Variants in SPINK5 observed in about 807,000 individuals in gnomAD.
The protein encoded by SPINK5 is serine peptidase inhibitor Kazal type 5, also known as serine protease inhibitor Kazal-type 5.
Under a neutral mutation model 151.8 loss-of-function variants are expected in SPINK5, and 125 were observed. The observed-to-expected ratio is 0.82, with a 90% CI of 0.71 to 0.96. The LOEUF (loss-of-function observed/expected upper bound fraction) is 0.96, where lower values mean the gene tolerates loss of function less well. SPINK5 is among the 40% of genes least tolerant of loss of function. The pLI is 0.00. For synonymous variants in SPINK5, 374 were observed against 395.3 expected (o/e 0.95, Z 0.64); for missense variants, 1,194 against 1,291.9 (o/e 0.92, Z 1.16).
At chr5:148,110,690 A>C (rs1230160099) in intron 18 of SPINK5, among the ~76,000 whole-genome samples, 1 of 152,056 alleles carries the variant, frequency 6.6e-6, no homozygotes, top group African/African-American at 2.4e-5. Flanking sequence ...TTATGAGAAC[A>C]CATGGACACA....
At chr5:148,110,877 C>T (rs977893519) in intron 18 of SPINK5, among the ~76,000 whole-genome samples, 6 of 151,704 alleles carry the variant, frequency 4.0e-5, no homozygotes, top group East Asian at 1.9e-4. Context: ...ACCTAGGTGA[C>T]GGGTTGATAG....
At chr5:148,119,271 C>G (rs940527655) in intron 24 of SPINK5, among the ~76,000 whole-genome samples, 1 of 152,108 alleles carries the variant, frequency 6.6e-6, no homozygotes, top group Non-Finnish European at 1.5e-5. Flanking sequence ...CTTTACAAGG[C>G]ATTTTTATAA....
At chr5:148,116,549 G>C in intron 22 of SPINK5, 83 bp downstream of exon 22, 1 of 1,342,606 alleles carries the variant, frequency 7.4e-7, no homozygotes, top group Non-Finnish European at 1.1e-6. Flanking sequence ...ATAGTCTATG[G>C]TAAAGGCAGT....
chr5:148,079,377 C>T (rs186868702), intron 4 of SPINK5, among the ~76,000 whole-genome samples: 11 of 151,064 alleles, frequency 7.3e-5, no homozygotes, highest in African/African-American at 2.4e-4. Context: ...CAGATTCATT[C>T]AGGAAGAAGA....
At chr5:148,084,299 A>G (rs1470867290) in intron 4 of SPINK5, among the ~76,000 whole-genome samples, 1 of 151,442 alleles carries the variant, frequency 6.6e-6, no homozygotes, top group Admixed American at 6.6e-5. Flanking sequence ...AGAAAAAGAG[A>G]TAAGACCCAG....
chr5:148,101,946 A>G, intron 15 of SPINK5, 38 bp downstream of exon 15: 1 of 1,612,630 alleles, frequency 6.2e-7, no homozygotes, highest in Middle Eastern at 1.7e-4. Context: ...CTGAGGATTG[A>G]GCAGTGGGAA....
intron 3 of SPINK5, 89 bp downstream of exon 3, chr5:148,070,539 AT>A: frequency 6.4e-7 from 1 of 1,552,610 alleles, no homozygotes; most frequent in Non-Finnish European, 8.8e-7. Context: ...TTTCAAGTGC[AT>A]TTTTCTAAAC....
intron 5 of SPINK5, among the ~76,000 whole-genome samples, chr5:148,087,073 TCA>T (rs993536417): frequency 2.0e-5 from 3 of 151,642 alleles, no homozygotes; most frequent in African/African-American, 7.3e-5. Flanking sequence ...ATACCCTTTT[TCA>T]CAGAGAATTA....
intron 8 of SPINK5, among the ~76,000 whole-genome samples, chr5:148,091,554 T>C (rs1484506384): frequency 1.3e-5 from 2 of 151,842 alleles, no homozygotes; most frequent in Non-Finnish European, 2.9e-5. Context: ...TTTGGTTTAG[T>C]GTAAACCCAT....
intron 18 of SPINK5, among the ~76,000 whole-genome samples, 164 bp downstream of exon 18, chr5:148,109,001 A>G (rs1193388969): frequency 6.6e-6 from 1 of 152,132 alleles, no homozygotes; most frequent in African/African-American, 2.4e-5. Context: ...TCCTTATTCA[A>G]TTTATTCACA....
chr5:148,066,782 G>A (rs1203865819), intron 2 of SPINK5, among the ~76,000 whole-genome samples: 1 of 152,098 alleles, frequency 6.6e-6, no homozygotes, highest in Non-Finnish European at 1.5e-5. Flanking sequence ...ATTTATGGCA[G>A]ATACTGTGAA....
intron 4 of SPINK5, among the ~76,000 whole-genome samples, chr5:148,077,791 G>A (rs1230262018): frequency 6.6e-6 from 1 of 150,376 alleles, no homozygotes; most frequent in Admixed American, 6.7e-5. Context: ...AATTACTAGA[G>A]TAGCTACTAA....
At chr5:148,070,711 T>C (rs1752715165) in intron 3 of SPINK5, among the ~76,000 whole-genome samples, 1 of 152,114 alleles carries the variant, frequency 6.6e-6, no homozygotes, top group Non-Finnish European at 1.5e-5. Context: ...TAGCACTCTA[T>C]AGTCTTTTGA....
intron 4 of SPINK5, among the ~76,000 whole-genome samples, chr5:148,085,107 C>T (rs72660252): frequency 0.061 from 9,218 of 151,726 alleles, 478 homozygotes; most frequent in East Asian, 0.25. Context: ...ACTTATATGG[C>T]CACTGCTTAT....
chr5:148,073,643 A>G (rs1752798656), intron 4 of SPINK5, among the ~76,000 whole-genome samples: 1 of 151,860 alleles, frequency 6.6e-6, no homozygotes, highest in Non-Finnish European at 1.5e-5. Context: ...CAAAAAAGCA[A>G]AATACACACA....
chr5:148,132,076 A>C (rs1754586524), intron 31 of SPINK5, among the ~76,000 whole-genome samples: 1 of 152,226 alleles, frequency 6.6e-6, no homozygotes, highest in African/African-American at 2.4e-5. Context: ...TCTTAAGTTA[A>C]ATACAAGGGA....
chr5:148,121,323 C>T (rs879553873), intron 26 of SPINK5, among the ~76,000 whole-genome samples: 6 of 101,640 alleles, frequency 5.9e-5, no homozygotes, highest in South Asian at 2.9e-4. Context: ...TTTAATGCAC[C>T]GACGGACTCC....
Position 148,124,769 on chromosome 5 carries a change from C to G in SPINK5, c.2671C>G (p.Arg891Gly). ...KCAMCQSIFD[R>G]EANERKKKDE... ...TTTTTTTTAATTATTCTGCAGTGAT[C>G]GAGAAGCTAATGAAAGAAAAAAGAA... The change falls in exon 28 of 33, where the codon CGA (arginine) becomes GGA (glycine). Residue 891 changes from arginine (R) to glycine (G), a missense_variant. Transcript: ENST00000256084. 1 of 1,595,834 alleles carries G rather than the reference C, an allele frequency of 6.3e-7. No homozygotes were observed. The highest frequency in any genetic ancestry group is 8.5e-7 in the Non-Finnish European group (1 of 1,171,474).
Position 148,063,997 on chromosome 5 carries a change from T to A in SPINK5, c.-48T>A. 7 of 1,605,832 alleles carry A rather than the reference T, an allele frequency of 4.4e-6. No individual in the cohort carries two copies. Among genetic ancestry groups the A allele is most frequent in the Non-Finnish European group, 6.0e-6 (7 of 1,172,534 alleles). On this transcript the variant is annotated 5_prime_UTR_variant, in exon 1 of 33. Transcript: ENST00000256084. ...CCGAGTTCAGTCATACTGCACCAGC[T>A]GAGCAATGCATGGAGTGGACCTGTA...
Sources: gnomAD v4.1 joint callset for allele counts (sites outside exome capture counted in the v4.1 genomes callset) on GRCh38, gnomAD v4.1.1 for gene constraint, MANE v1.5 for transcripts, NCBI Gene and HGNC (gene_info 2026-07-23, HGNC 2026-07-21) for gene names.